The following CSGALNACT1 variants were observed in gnomAD, a reference collection of about 807,000 sequenced individuals.
CSGALNACT1 encodes chondroitin sulfate N-acetylgalactosaminyltransferase 1, also known as beta4GalNAcT-1.
Under a neutral mutation model 51.0 loss-of-function variants are expected in CSGALNACT1, and 52 were observed. The observed-to-expected ratio is 1.02, with a 90% CI of 0.82 to 1.29. The LOEUF (loss-of-function observed/expected upper bound fraction) is 1.29. CSGALNACT1 is among the 50% of genes most tolerant of loss of function. CSGALNACT1 has a pLI of 0.00. For synonymous variants in CSGALNACT1, 341 were observed against 254.4 expected (o/e 1.34, Z -3.24); for missense variants, 935 against 679.2 (o/e 1.38, Z -4.19).
At chr8:19,488,370 C>CATATATAT (rs56988602) in intron 4 of CSGALNACT1, among the ~76,000 whole-genome samples, 23 of 114,470 alleles carry the variant, frequency 2.0e-4, no homozygotes, top group Non-Finnish European at 2.8e-4. Flanking sequence ...TTTATATATA[C>CATATATAT]ATATATATAT....
At chr8:19,673,250 GT>G (rs774369143) in intron 1 of CSGALNACT1, among the ~76,000 whole-genome samples, 2 of 152,202 alleles carry the variant, frequency 1.3e-5, no homozygotes, top group Non-Finnish European at 2.9e-5. Flanking sequence ...GGGATTCCAG[GT>G]TTGAGTATTG....
intron 3 of CSGALNACT1, among the ~76,000 whole-genome samples, chr8:19,545,948 A>G (rs1224765638): frequency 6.6e-6 from 1 of 151,362 alleles, no homozygotes; most frequent in Non-Finnish European, 1.5e-5. Flanking sequence ...AAATAAAATA[A>G]AGCTCACAAT....
chr8:19,676,276 T>A (rs1161977390), intron 1 of CSGALNACT1, among the ~76,000 whole-genome samples: 2 of 152,090 alleles, frequency 1.3e-5, no homozygotes, highest in Non-Finnish European at 2.9e-5. Flanking sequence ...GTTAGAATTA[T>A]CAAGTGAAGG....
chr8:19,421,320 G>A (rs1031126327), intron 6 of CSGALNACT1, among the ~76,000 whole-genome samples: 1 of 152,238 alleles, frequency 6.6e-6, no homozygotes, highest in Admixed American at 6.5e-5. Flanking sequence ...GTGAAGCCAG[G>A]ATGTTTCTCG....
intron 1 of CSGALNACT1, among the ~76,000 whole-genome samples, chr8:19,626,914 C>G (rs1589124781): frequency 6.6e-6 from 1 of 152,114 alleles, no homozygotes; most frequent in Admixed American, 6.6e-5. Context: ...TAAATTTTGG[C>G]AAGCATGTAG....
At chr8:19,463,047 C>T (rs1400232380) in intron 4 of CSGALNACT1, among the ~76,000 whole-genome samples, 6 of 152,188 alleles carry the variant, frequency 3.9e-5, no homozygotes, top group Non-Finnish European at 8.8e-5. Context: ...CAATGTTTAC[C>T]TCCCACTTAC....
chr8:19,507,688 C>T (rs985000262), intron 3 of CSGALNACT1, among the ~76,000 whole-genome samples: 35 of 152,146 alleles, frequency 2.3e-4, no homozygotes, highest in African/African-American at 4.8e-4. Context: ...AATGCAGTGG[C>T]GCGATCTCTG....
intron 5 of CSGALNACT1, among the ~76,000 whole-genome samples, chr8:19,451,947 G>C (rs564133785): frequency 6.6e-6 from 1 of 152,294 alleles, no homozygotes; most frequent in East Asian, 1.9e-4. Context: ...TGAGAGCAAA[G>C]GGTGTTGATA....
intron 1 of CSGALNACT1, among the ~76,000 whole-genome samples, chr8:19,615,902 G>A (rs182030148): frequency 5.3e-4 from 80 of 152,278 alleles, no homozygotes; most frequent in African/African-American, 1.9e-3. Flanking sequence ...AATTTCATTT[G>A]TATGAAGAAG....
upstream of CSGALNACT1, among the ~76,000 whole-genome samples, chr8:19,683,652 T>C (rs962571776): frequency 6.6e-6 from 1 of 152,172 alleles, no homozygotes; most frequent in African/African-American, 2.4e-5. Flanking sequence ...ACCATATACC[T>C]GGAAAGTAAT....
Position 19,503,040 on chromosome 8 carries a change from T to C in CSGALNACT1, c.634+2161A>G, listed in dbSNP as rs551809279. On this transcript the variant is annotated intron_variant, in intron 4 of 9. Transcript: ENST00000454498. ...CACACCTGCAGCTTCCTCTGACTAG[T>C]AGAATCTTTCCTAAGGCTCTGCTTC... 2.0e-5 allele frequency among the ~76,000 whole-genome samples: 3 copies of C among 152,330 alleles called. No homozygotes were observed. The South Asian group carries it at 6.2e-4, about 32-fold the overall frequency.
intron 1 of CSGALNACT1, among the ~76,000 whole-genome samples, chr8:19,750,019 C>G (rs1322464422): frequency 6.6e-6 from 1 of 152,200 alleles, no homozygotes; most frequent in Non-Finnish European, 1.5e-5. Context: ...CTGACCCAGC[C>G]TTGGACCCCT....
rs139773071 is a variant in CSGALNACT1 at position 19,608,642 on chromosome 8, A to G, written c.-543-6777T>C. 2.4e-3 allele frequency among the ~76,000 whole-genome samples: 373 copies of G among 152,336 alleles called. 4 individuals are homozygous for G. Among genetic ancestry groups the G allele is most frequent in the African/African-American group, 8.3e-3 (343 of 41,574 alleles). ...AAGACAACACTTAGGACAACTGCCCAGAACACAAGTTTGAGATGCAGAATG... is the reference window on the plus strand; with the variant it reads ...AAGACAACACTTAGGACAACTGCCCGGAACACAAGTTTGAGATGCAGAATG... On this transcript the variant is annotated intron_variant, in intron 1 of 9. Coordinates refer to the CSGALNACT1 transcript ENST00000332246.
At chr8:19,481,236 C>T (rs2071300760) in intron 4 of CSGALNACT1, among the ~76,000 whole-genome samples, 1 of 152,116 alleles carries the variant, frequency 6.6e-6, no homozygotes, top group Admixed American at 6.6e-5. Context: ...ATGCCTTGTG[C>T]CCATCGACCT....
At chr8:19,539,880 G>A (rs113454276) in intron 3 of CSGALNACT1, among the ~76,000 whole-genome samples, 26 of 152,310 alleles carry the variant, frequency 1.7e-4, no homozygotes, top group African/African-American at 5.8e-4. Context: ...AGGGGGACAG[G>A]AGGGGAGATA....
At chr8:19,666,809 A>AAGAGAGAGAGAGAGAG (rs375633259) in intron 1 of CSGALNACT1, among the ~76,000 whole-genome samples, 1 of 25,064 alleles carries the variant, frequency 4.0e-5, no homozygotes, top group African/African-American at 2.5e-4. Flanking sequence ...GAAAGAAAGA[A>AAGAGAGAGAGAGAGAG]AGAGAGAGAG....
At chr8:19,704,871 T>C (rs889803299) in intron 1 of CSGALNACT1, among the ~76,000 whole-genome samples, 2 of 152,172 alleles carry the variant, frequency 1.3e-5, no homozygotes, top group African/African-American at 2.4e-5. Flanking sequence ...TCAATCTCAT[T>C]TCAATATGGA....
At chr8:19,549,253 T>A (rs2154080034) in intron 3 of CSGALNACT1, among the ~76,000 whole-genome samples, 1 of 152,314 alleles carries the variant, frequency 6.6e-6, no homozygotes, top group South Asian at 2.1e-4. Flanking sequence ...ATTACAATTT[T>A]TAGTAACAAT....
intron 3 of CSGALNACT1, among the ~76,000 whole-genome samples, chr8:19,588,999 A>G (rs1265540616): frequency 6.6e-6 from 1 of 152,224 alleles, no homozygotes; most frequent in Admixed American, 6.5e-5. Context: ...TGGGCCCAGG[A>G]ATGGTGAACA....
Sources: gnomAD v4.1 joint callset for allele counts (sites outside exome capture counted in the v4.1 genomes callset) on GRCh38, gnomAD v4.1.1 for gene constraint, MANE v1.5 for transcripts, NCBI Gene and HGNC (gene_info 2026-07-23, HGNC 2026-07-21) for gene names.